KLHL1: variants seen among roughly 807,000 people sequenced by gnomAD.
The protein encoded by KLHL1 is kelch like family member 1, also known as kelch-like protein 1.
KLHL1 carries 47 observed loss-of-function variants against 77.7 expected under a neutral mutation model. The ratio of observed to expected loss-of-function variants is 0.60; its 90% CI spans 0.48 to 0.77. KLHL1 has a LOEUF of 0.77. Ranked by LOEUF, KLHL1 falls within the 30% of genes least tolerant of loss-of-function variation. KLHL1 has a pLI of 0.00. For missense variants in KLHL1, 925 were observed against 910.8 expected (o/e 1.02, Z -0.20); for synonymous variants, 360 against 325.2 (o/e 1.11, Z -1.15).
chr13:70,020,456 C>T (rs1166696854), intron 1 of KLHL1, among the ~76,000 whole-genome samples: 1 of 152,072 alleles, frequency 6.6e-6, no homozygotes, highest in Admixed American at 6.6e-5. Context: ...ATTAAAAAGT[C>T]TCTTGTCGTC....
chr13:70,022,863 T>G (rs1463155773), intron 1 of KLHL1, among the ~76,000 whole-genome samples: 1 of 151,956 alleles, frequency 6.6e-6, no homozygotes, highest in African/African-American at 2.4e-5. Flanking sequence ...GCAAGCAATC[T>G]GGCAAACTTT....
intron 8 of KLHL1, among the ~76,000 whole-genome samples, chr13:69,732,719 A>G (rs1873601665): frequency 6.6e-6 from 1 of 151,518 alleles, no homozygotes; most frequent in Admixed American, 6.6e-5. Flanking sequence ...CTGTAGCAAG[A>G]GTTGCTCTGT....
At chr13:69,740,597 A>T in intron 7 of KLHL1, 41 bp from the exon 8 acceptor site, 1 of 1,456,108 alleles carries the variant, frequency 6.9e-7, no homozygotes, top group Non-Finnish European at 9.4e-7. Flanking sequence ...TATAGTTAAT[A>T]TCATATTGTA....
At chr13:69,986,651 C>T (rs1355054935) in intron 1 of KLHL1, among the ~76,000 whole-genome samples, 1 of 151,844 alleles carries the variant, frequency 6.6e-6, no homozygotes, top group Non-Finnish European at 1.5e-5. Flanking sequence ...ATAAGATACG[C>T]TGATGTTTGG....
Position 69,912,232 on chromosome 13 carries a change from A to G in KLHL1, c.1014+27808T>C, listed in dbSNP as rs556994250. On this transcript the variant is annotated intron_variant, in intron 4 of 10. Transcript: ENST00000377844. ...CATGTCAACAGAGTGGAAAAAGTTG[A>G]TAATTTCTTCCTGTTTCATCCAAGC... Among the ~76,000 whole-genome samples the G allele has an allele frequency of 1.2e-4, 19 of 152,298 alleles. No individual in the cohort carries two copies. The South Asian group carries it at 3.7e-3, about 30-fold the overall frequency.
At chr13:69,815,801 G>C (rs1301247602) in intron 6 of KLHL1, among the ~76,000 whole-genome samples, 1 of 151,622 alleles carries the variant, frequency 6.6e-6, no homozygotes, top group African/African-American at 2.4e-5. Context: ...ATTTGTGAGG[G>C]AAAGCCACAA....
intron 1 of KLHL1, among the ~76,000 whole-genome samples, chr13:70,047,399 T>G (rs61964242): frequency 6.7e-6 from 1 of 149,776 alleles, no homozygotes; most frequent in Non-Finnish European, 1.5e-5. Flanking sequence ...GGAAATCTGT[T>G]TGTGTGTGTG....
chr13:69,839,249 T>C (rs893346382), intron 5 of KLHL1, 87 bp from the exon 6 acceptor site: 29 of 905,554 alleles, frequency 3.2e-5, no homozygotes, highest in Admixed American at 1.8e-4. Context: ...TTAATGTCTG[T>C]GATATTATCC....
At chr13:69,801,377 A>G (rs1877372390) in intron 6 of KLHL1, among the ~76,000 whole-genome samples, 1 of 152,194 alleles carries the variant, frequency 6.6e-6, no homozygotes, top group Non-Finnish European at 1.5e-5. Context: ...AAGTACATAA[A>G]AACAAGCACA....
At chr13:69,951,965 G>C (rs1227380618) in intron 3 of KLHL1, among the ~76,000 whole-genome samples, 1 of 151,336 alleles carries the variant, frequency 6.6e-6, no homozygotes, top group East Asian at 1.9e-4. Flanking sequence ...CACTATCCGA[G>C]CACATTGAGT....
chr13:69,719,988 T>C (rs1288259049), intron 8 of KLHL1, among the ~76,000 whole-genome samples: 1 of 152,054 alleles, frequency 6.6e-6, no homozygotes. Context: ...AAGCAAGTGA[T>C]TTGGCAGTAT....
intron 1 of KLHL1, among the ~76,000 whole-genome samples, chr13:70,017,681 C>CA (rs1002507388): frequency 6.6e-6 from 1 of 152,194 alleles, no homozygotes; most frequent in African/African-American, 2.4e-5. Flanking sequence ...CATACACATA[C>CA]AAATGTGCAT....
chr13:70,089,441 C>G (rs1887621960), intron 1 of KLHL1, among the ~76,000 whole-genome samples: 1 of 152,096 alleles, frequency 6.6e-6, no homozygotes, highest in Admixed American at 6.6e-5. Context: ...TGGCTAATTT[C>G]TTGGCCAACA....
intron 6 of KLHL1, 86 bp downstream of exon 6, chr13:69,838,889 AT>A (rs1259102792): frequency 2.4e-6 from 2 of 822,206 alleles, no homozygotes; most frequent in African/African-American, 1.8e-5. Flanking sequence ...AGTTTATGTC[AT>A]TTTTTGTAGT....
At chr13:69,921,547 CGT>C (rs1446989010) in intron 4 of KLHL1, among the ~76,000 whole-genome samples, 1 of 152,154 alleles carries the variant, frequency 6.6e-6, no homozygotes, top group Non-Finnish European at 1.5e-5. Flanking sequence ...TTTAATAAAA[CGT>C]GGCCATACCA....
intron 1 of KLHL1, among the ~76,000 whole-genome samples, chr13:69,980,796 C>G (rs777551022): frequency 3.3e-5 from 5 of 151,872 alleles, no homozygotes; most frequent in Non-Finnish European, 7.4e-5. Flanking sequence ...GTGGGGTTAC[C>G]CTAACATGTA....
intron 1 of KLHL1, among the ~76,000 whole-genome samples, chr13:70,057,469 C>CA (rs56235725): frequency 0.22 from 18,783 of 86,600 alleles, 1,784 homozygotes; most frequent in South Asian, 0.38. Context: ...AAAGACACAT[C>CA]AAAAAAAAAA....
At chr13:70,017,762 A>G (rs1423792154) in intron 1 of KLHL1, among the ~76,000 whole-genome samples, 1 of 152,226 alleles carries the variant, frequency 6.6e-6, no homozygotes, top group African/African-American at 2.4e-5. Context: ...AAGCTACATA[A>G]ATAAAAAGAA....
At chr13:69,953,402 G>T (rs1035711424) in intron 3 of KLHL1, among the ~76,000 whole-genome samples, 3 of 151,094 alleles carry the variant, frequency 2.0e-5, no homozygotes, top group Non-Finnish European at 4.5e-5. Context: ...GAGCAGCGCT[G>T]CCTCTCATAT....
Sources: gnomAD v4.1 joint callset for allele counts (sites outside exome capture counted in the v4.1 genomes callset) on GRCh38, gnomAD v4.1.1 for gene constraint, MANE v1.5 for transcripts, NCBI Gene and HGNC (gene_info 2026-07-23, HGNC 2026-07-21) for gene names.